Variants in ADIPOR1 observed in about 807,000 individuals in gnomAD.
The protein encoded by ADIPOR1 is adiponectin receptor 1, also known as adiponectin receptor protein 1.
In ADIPOR1, 15 loss-of-function variants were observed where a neutral mutation model predicts 37.5. The ratio of observed to expected loss-of-function variants is 0.40; its 90% CI spans 0.27 to 0.62. The LOEUF (loss-of-function observed/expected upper bound fraction) is 0.62, where lower values mean the gene tolerates loss of function less well. Ranked by LOEUF, ADIPOR1 falls within the 20% of genes least tolerant of loss-of-function variation. The probability of loss-of-function intolerance (pLI) is 0.42; values close to 1 mark genes in which losing one functional copy is unlikely to be tolerated. For missense variants in ADIPOR1, 286 were observed against 478.0 expected (o/e 0.60, Z 3.75); for synonymous variants, 173 against 173.2 (o/e 1.00, Z 0.01).
At position 202,946,527 on chromosome 1, in the gene ADIPOR1, A is replaced by G. The variant is rs746193003; in HGVS notation, c.342T>C (p.His114=). 6.2e-7 allele frequency: 1 copy of G among 1,614,128 alleles called. No homozygotes were observed. The highest frequency in any genetic ancestry group is 2.2e-5 in the East Asian group (1 of 44,874). The change falls in exon 4 of 8, where the codon CAT becomes CAC. Residue 114 remains histidine (H), a synonymous_variant. Transcript: ENST00000340990. ...LKDNDYLLHG[H]RPPMPSFRAC... The stretch of plus-strand genomic sequence containing the variant: ...CCCGAAAGGAGGGCATGGGAGGTCT[A>G]TGACCATGTAGCAGATAGTCGTTGT...
At chr1:202,953,994 T>G (rs1654682282) in intron 1 of ADIPOR1, among the ~76,000 whole-genome samples, 1 of 152,236 alleles carries the variant, frequency 6.6e-6, no homozygotes, top group African/African-American at 2.4e-5. Context: ...TTTCATCATT[T>G]GATCTGAAAA....
At chr1:202,946,641 C>A in intron 3 of ADIPOR1, 31 bp from the exon 4 acceptor site, 3 of 1,610,632 alleles carry the variant, frequency 1.9e-6, no homozygotes, top group African/African-American at 1.3e-5. Flanking sequence ...CTGGGTAGGG[C>A]ACTAGATAGT....
intron 4 of ADIPOR1, among the ~76,000 whole-genome samples, chr1:202,946,174 T>C (rs1029354096): frequency 3.3e-5 from 5 of 152,094 alleles, no homozygotes; most frequent in African/African-American, 1.2e-4. Context: ...AATTACGAAG[T>C]ACAAGGAATT....
intron 1 of ADIPOR1, among the ~76,000 whole-genome samples, chr1:202,951,681 T>C (rs144276098): frequency 1.1e-3 from 169 of 152,354 alleles, no homozygotes; most frequent in African/African-American, 3.9e-3. Flanking sequence ...AAATGTGTCA[T>C]ACATACAAAA....
intron 1 of ADIPOR1, among the ~76,000 whole-genome samples, chr1:202,952,647 G>C (rs552405768): frequency 1.9e-4 from 29 of 152,102 alleles, no homozygotes; most frequent in Non-Finnish European, 3.1e-4. Context: ...ATTCCGGGAC[G>C]TGCACCAATA....
At chr1:202,956,670 A>G (rs140074688) in intron 1 of ADIPOR1, among the ~76,000 whole-genome samples, 1 of 152,356 alleles carries the variant, frequency 6.6e-6, no homozygotes, top group African/African-American at 2.4e-5. Flanking sequence ...GAAACAGGGC[A>G]TTCCAGGAGG....
chr1:202,943,780 A>G lies in ADIPOR1; in HGVS notation c.783T>C (p.Pro261=), dbSNP rs1233507147. 1 of 1,613,640 alleles carries G rather than the reference A, an allele frequency of 6.2e-7. No individual in the cohort carries two copies. The highest frequency in any genetic ancestry group is 2.2e-5 in the East Asian group (1 of 44,886). The change falls in exon 6 of 8, where the codon CCT becomes CCC. Residue 261 remains proline, a synonymous_variant. Transcript: ENST00000340990. The part of the protein sequence containing the change: ...IVAQWDRFAT[P]KHRQTRAGVF... ...TACCTGCTCTTGTCTGCCGGTGCTT[A>G]GGAGTGGCAAACCGGTCCCACTGCG...
In ADIPOR1 at chr1:202,951,033, T is replaced by A; in HGVS notation, c.38A>T (p.Asn13Ile). The change falls in exon 2 of 8, where the codon AAT becomes ATT. Residue 13 changes from asparagine to isoleucine, a missense_variant. Coordinates refer to ENST00000340990, the MANE Select transcript of ADIPOR1 (RefSeq NM_015999.6). ...TTCCCTGTTACTGGCAGGAGCCCCA[T>A]TCCCCTGTGCCACCACAGATCCTTT... ...SHKGSVVAQG[N>I]GAPASNREAD... 4.3e-6 allele frequency: 7 copies of A among 1,614,138 alleles called. No homozygotes were observed. Among genetic ancestry groups the A allele is most frequent in the Non-Finnish European group, 5.9e-6 (7 of 1,180,022 alleles).
intron 1 of ADIPOR1, among the ~76,000 whole-genome samples, chr1:202,956,660 G>A (rs1028588331): frequency 2.0e-5 from 3 of 152,294 alleles, no homozygotes; most frequent in South Asian, 4.1e-4. Context: ...GATAGAGATG[G>A]AAACAGGGCA....
rs1332418254 is a variant in ADIPOR1 at position 202,949,593 on chromosome 1, A to AAAAAAAAAAAAAAC, written c.142-1174_142-1173insGTTTTTTTTTTTTT. 2.1e-4 allele frequency among the ~76,000 whole-genome samples: 29 copies of AAAAAAAAAAAAAAC among 138,334 alleles called. 3 individuals are homozygous for AAAAAAAAAAAAAAC. Among genetic ancestry groups the AAAAAAAAAAAAAAC allele is most frequent in the Admixed American group, 4.1e-4 (5 of 12,326 alleles). 90.8% of individuals were successfully genotyped at this position (138,334 alleles called of 152,430 possible). ...GACTCTGTCTCCAAAAAAAAAAAAA[A>AAAAAAAAAAAAAAC]AAAACACACCCAGGAGAGCACTTGC... On this transcript the variant is annotated intron_variant, in intron 2 of 7. Coordinates refer to ENST00000340990, the MANE Select transcript of ADIPOR1 (RefSeq NM_015999.6).
Position 202,940,874 on chromosome 1 carries a change from A to G in ADIPOR1, c.*699T>C, listed in dbSNP as rs1317354679. Reference sequence around the variant, plus strand: ...TTCTGTACTTTCTTTTATTAACATCATAGTCTTTGCATCAAGATACATAGC... The same window carrying G: ...TTCTGTACTTTCTTTTATTAACATCGTAGTCTTTGCATCAAGATACATAGC... On this transcript the variant is annotated 3_prime_UTR_variant, in exon 8 of 8. Coordinates refer to ENST00000340990, the MANE Select transcript of ADIPOR1 (RefSeq NM_015999.6). 2 of 152,620 alleles carry G rather than the reference A, an allele frequency of 1.3e-5. No individual in the cohort carries two copies. Among genetic ancestry groups the G allele is most frequent in the African/African-American group, 2.4e-5 (1 of 41,440 alleles). 9.5% of individuals were successfully genotyped at this position (152,620 alleles called of 1,614,324 possible).
Position 202,941,380 on chromosome 1 carries a change from C to G in ADIPOR1, c.*193G>C. 1 of 562,490 alleles carries G rather than the reference C, an allele frequency of 1.8e-6. No homozygotes were observed. Among genetic ancestry groups the G allele is most frequent in the Non-Finnish European group, 2.8e-6 (1 of 355,360 alleles). The allele number at this position is 562,490 out of a possible 1,614,324, so 34.8% of individuals were successfully genotyped here. ...GGCTAAGTTTGACCATGCCCCATCC[C>G]CAGCTAGGAGAATGGAAATGGAAAG... On this transcript the variant is annotated 3_prime_UTR_variant, in exon 8 of 8. Transcript: ENST00000340990.
chr1:202,948,614 G>A (rs921703307), intron 2 of ADIPOR1, among the ~76,000 whole-genome samples, 194 bp from the exon 3 acceptor site: 6 of 151,972 alleles, frequency 3.9e-5, no homozygotes, highest in South Asian at 2.1e-4. Context: ...TTAATACTTC[G>A]TAAATGCTGG....
intron 1 of ADIPOR1, among the ~76,000 whole-genome samples, chr1:202,957,044 G>T (rs181682493): frequency 2.0e-5 from 3 of 152,226 alleles, no homozygotes; most frequent in African/African-American, 7.2e-5. Flanking sequence ...CACAATATGG[G>T]TACATAAAAG....
chr1:202,948,645 C>A (rs931688944), intron 2 of ADIPOR1, among the ~76,000 whole-genome samples: 1 of 152,088 alleles, frequency 6.6e-6, no homozygotes, highest in South Asian at 2.1e-4. Flanking sequence ...CTATGCAGTG[C>A]GTAAAAGAAG....
chr1:202,947,827 T>C (rs1263659046), intron 3 of ADIPOR1, among the ~76,000 whole-genome samples: 3 of 152,150 alleles, frequency 2.0e-5, no homozygotes, highest in African/African-American at 7.2e-5. Context: ...TTTTCCTCAA[T>C]TATAAGCATA....
chr1:202,955,228 C>CT (rs113380422), intron 1 of ADIPOR1, among the ~76,000 whole-genome samples: 9,290 of 146,728 alleles, frequency 0.063, 525 homozygotes, highest in East Asian at 0.21. Flanking sequence ...CAACAGAAGT[C>CT]TTTTTTTTTT....
chr1:202,955,983 C>G (rs895307770), intron 1 of ADIPOR1, among the ~76,000 whole-genome samples: 1 of 152,178 alleles, frequency 6.6e-6, no homozygotes, highest in Non-Finnish European at 1.5e-5. Context: ...GCCATGTTGA[C>G]CAGGTTGGTC....
At position 202,943,765 on chromosome 1, in the gene ADIPOR1, T is replaced by C; in HGVS notation, c.798A>G (p.Thr266=). ...DRFATPKHRQ[T]RAGVFLGLGL... is the part of the protein sequence containing the mutation. ...GTACATCTTCCGACCTACCTGCTCT[T>C]GTCTGCCGGTGCTTAGGAGTGGCAA... Residue 266 remains threonine, a synonymous_variant, in exon 6 of 8, where the codon ACA becomes ACG. Transcript: ENST00000340990. The C allele has an allele frequency of 6.2e-7, 1 of 1,613,190 alleles. No homozygotes were observed.
Sources: allele counts gnomAD v4.1 joint callset (sites outside exome capture counted in the v4.1 genomes callset), GRCh38; gene constraint gnomAD v4.1.1; transcripts MANE v1.5; gene names NCBI Gene and HGNC (gene_info 2026-07-23, HGNC 2026-07-21).